Variants in ADGRB3 observed in about 807,000 individuals in gnomAD.
ADGRB3 encodes the protein adhesion G protein-coupled receptor B3.
ADGRB3 carries 37 observed loss-of-function variants against 193.4 expected under a neutral mutation model. The observed-to-expected ratio is 0.19, with a 90% CI of 0.15 to 0.25. The LOEUF (loss-of-function observed/expected upper bound fraction) is 0.25. ADGRB3 is among the 10% of genes least tolerant of loss of function. The probability of loss-of-function intolerance (pLI) is 1.00; values close to 1 mark genes in which losing one functional copy is unlikely to be tolerated. For missense variants in ADGRB3, 1,637 were observed against 1,852.9 expected, an observed-to-expected ratio of 0.88 and a Z score of 2.14; for synonymous variants, 690 against 644.2, an observed-to-expected ratio of 1.07 and a Z score of -1.08.
At chr6:69,350,297 T>TC (rs1769194524) in intron 26 of ADGRB3, among the ~76,000 whole-genome samples, 1 of 14,448 alleles carries the variant, frequency 6.9e-5, no homozygotes, top group Non-Finnish European at 1.2e-4. Context: ...TTCTCGCCAT[T>TC]CTTTTTTTTT....
intron 3 of ADGRB3, among the ~76,000 whole-genome samples, chr6:68,883,404 T>C (rs507388): frequency 0.55 from 83,656 of 152,138 alleles, 24,104 homozygotes; most frequent in Middle Eastern, 0.75. Flanking sequence ...CAGCACCAGC[T>C]GCGGCAATCA....
intron 3 of ADGRB3, among the ~76,000 whole-genome samples, chr6:68,825,154 G>T (rs1457226853): frequency 6.6e-6 from 1 of 152,146 alleles, no homozygotes; most frequent in South Asian, 2.1e-4. Flanking sequence ...ACTGTGCCCC[G>T]CCAATCTGAG....
chr6:69,340,635 C>A (rs931474973), intron 26 of ADGRB3, among the ~76,000 whole-genome samples: 8 of 151,782 alleles, frequency 5.3e-5, no homozygotes, highest in Non-Finnish European at 1.2e-4. Flanking sequence ...TTTTATTATT[C>A]TTTAAGTTCT....
At chr6:69,233,526 A>AG (rs3215840) in intron 18 of ADGRB3, 110 bp downstream of exon 18, 1,187,946 of 1,486,032 alleles carry the variant, frequency 0.8, 477,945 homozygotes, top group African/African-American at 0.97. Flanking sequence ...GTTGCAGGGT[A>AG]CAAAATTGGG....
intron 20 of ADGRB3, among the ~76,000 whole-genome samples, chr6:69,304,657 A>G (rs1458302113): frequency 6.6e-6 from 1 of 151,518 alleles, no homozygotes; most frequent in Non-Finnish European, 1.5e-5. Context: ...TGTTTTTGCC[A>G]TATTGTATGC....
intron 20 of ADGRB3, among the ~76,000 whole-genome samples, chr6:69,295,070 T>A (rs1229594405): frequency 6.6e-6 from 1 of 152,162 alleles, no homozygotes; most frequent in Non-Finnish European, 1.5e-5. Flanking sequence ...TGGTAGACAC[T>A]GCCAACATTT....
At chr6:68,944,518 T>C (rs1372058785) in intron 6 of ADGRB3, among the ~76,000 whole-genome samples, 3 of 152,220 alleles carry the variant, frequency 2.0e-5, no homozygotes, top group Non-Finnish European at 4.4e-5. Context: ...ATGAAGTCTA[T>C]ACAGTCTGTT....
At chr6:68,840,579 C>G (rs891991081) in intron 3 of ADGRB3, among the ~76,000 whole-genome samples, 1 of 151,464 alleles carries the variant, frequency 6.6e-6, no homozygotes, top group African/African-American at 2.4e-5. Flanking sequence ...TGGGGAGACT[C>G]CTCTGCTTTT....
At chr6:69,320,813 G>T (rs1347638960) in intron 20 of ADGRB3, among the ~76,000 whole-genome samples, 1 of 138,306 alleles carries the variant, frequency 7.2e-6, no homozygotes, top group African/African-American at 3.0e-5. Context: ...ATATGTGCTT[G>T]TGCATGTGTG....
intron 17 of ADGRB3, among the ~76,000 whole-genome samples, chr6:69,197,514 T>A (rs1051569974): frequency 8.6e-5 from 13 of 151,982 alleles, no homozygotes; most frequent in African/African-American, 2.7e-4. Flanking sequence ...AGAAAATGGA[T>A]ACAAACAGAT....
At chr6:68,663,876 A>T (rs565508355) in intron 3 of ADGRB3, among the ~76,000 whole-genome samples, 12 of 151,914 alleles carry the variant, frequency 7.9e-5, no homozygotes, top group Admixed American at 5.3e-4. Context: ...ACACATTGTG[A>T]TCTTTAGAGT....
chr6:69,121,420 A>G (rs1773682896), intron 17 of ADGRB3, among the ~76,000 whole-genome samples: 1 of 152,078 alleles, frequency 6.6e-6, no homozygotes, highest in Admixed American at 6.5e-5. Flanking sequence ...ACACAGACAC[A>G]GTAACAATCT....
chr6:68,872,447 A>C (rs1269688323), intron 3 of ADGRB3, among the ~76,000 whole-genome samples: 3 of 152,182 alleles, frequency 2.0e-5, no homozygotes, highest in Non-Finnish European at 4.4e-5. Flanking sequence ...ATTTTTAAAA[A>C]GGAAACGTAT....
intron 20 of ADGRB3, among the ~76,000 whole-genome samples, chr6:69,284,315 A>G (rs920912115): frequency 6.6e-6 from 1 of 152,054 alleles, no homozygotes. Flanking sequence ...TTTCCACTAC[A>G]TTTGTAGTCC....
chr6:68,838,422 CAAAG>C (rs1768086761), intron 3 of ADGRB3, among the ~76,000 whole-genome samples: 1 of 152,092 alleles, frequency 6.6e-6, no homozygotes, highest in African/African-American at 2.4e-5. Flanking sequence ...TAAAAAGAAA[CAAAG>C]AAACAAAAAA....
chr6:69,228,721 A>G (rs1561959479), intron 17 of ADGRB3, among the ~76,000 whole-genome samples: 1 of 152,192 alleles, frequency 6.6e-6, no homozygotes, highest in Non-Finnish European at 1.5e-5. Flanking sequence ...TGTGTTTACA[A>G]TATTAGATCT....
At chr6:69,054,175 A>G (rs1771480133) in intron 15 of ADGRB3, among the ~76,000 whole-genome samples, 1 of 152,200 alleles carries the variant, frequency 6.6e-6, no homozygotes, top group Non-Finnish European at 1.5e-5. Flanking sequence ...GTCTTCATAA[A>G]CCAAAAGTTA....
rs953374154 is a variant in ADGRB3, at chr6:69,355,957, A to G, written c.3595+97A>G. The G allele has an allele frequency of 2.4e-5, 26 of 1,071,358 alleles. No individual in the cohort carries two copies. In the South Asian group the frequency reaches 3.2e-4, roughly 13 times the overall value. The allele number at this position is 1,071,358 out of a possible 1,614,324, so 66.4% of individuals were successfully genotyped here. On this transcript the variant is annotated intron_variant, in intron 28 of 31. Coordinates refer to ENST00000370598, the MANE Select transcript of ADGRB3 (RefSeq NM_001704.3). ...GAAAATGCTGTGGTTTACACATTACATATTGTTCTGTGAAAGGGCTGTATA... is the reference window on the plus strand; with the variant it reads ...GAAAATGCTGTGGTTTACACATTACGTATTGTTCTGTGAAAGGGCTGTATA...
rs1216751724 is a variant in ADGRB3 at position 69,331,650 on chromosome 6, CT to C, written c.3102+1084del. On this transcript the variant is annotated intron_variant, in intron 23 of 31. Coordinates refer to ENST00000370598, the MANE Select transcript of ADGRB3 (RefSeq NM_001704.3). ...AAGGGAAATCAAAACTATTAGACACCTTTTTTGTCTGCTGCTTTGAATTTTT... is the reference window on the plus strand; with the variant it reads ...AAGGGAAATCAAAACTATTAGACACCTTTTTGTCTGCTGCTTTGAATTTTT... 2.7e-5 allele frequency: 27 copies of C among 985,146 alleles called. No homozygotes were observed. In the African/African-American group the frequency reaches 3.5e-4, roughly 13 times the overall value. 61.0% of individuals were successfully genotyped at this position (985,146 alleles called of 1,614,324 possible).
Sources: allele counts gnomAD v4.1 joint callset (sites outside exome capture counted in the v4.1 genomes callset), GRCh38; gene constraint gnomAD v4.1.1; transcripts MANE v1.5; gene names NCBI Gene and HGNC (gene_info 2026-07-23, HGNC 2026-07-21).